Variants in ZCWPW1 observed in about 807,000 individuals in gnomAD.
ZCWPW1 encodes zinc finger CW-type PWWP domain protein 1.
A neutral mutation model predicts 81.3 loss-of-function variants in ZCWPW1; 56 were observed. The ratio of observed to expected loss-of-function variants is 0.69; its 90% CI spans 0.56 to 0.86. The LOEUF is 0.86. ZCWPW1 is among the 40% of genes least tolerant of loss of function. ZCWPW1 has a pLI of 0.00. For missense variants in ZCWPW1, 650 were observed against 769.8 expected (o/e 0.84, Z 1.84); for synonymous variants, 250 against 273.7 (o/e 0.91, Z 0.86).
At chr7:100,409,280 T>G in intron 9 of ZCWPW1, 148 bp downstream of exon 9, 1 of 629,460 alleles carries the variant, frequency 1.6e-6, no homozygotes. Context: ...CATCTCCATA[T>G]GAGAGGCAGA....
At position 100,419,804 on chromosome 7, in the gene ZCWPW1, G is replaced by T; in HGVS notation, c.108C>A (p.Ser36=). The T allele has an allele frequency of 6.2e-7, 1 of 1,613,548 alleles. No homozygotes were observed. Among genetic ancestry groups the T allele is most frequent in the Non-Finnish European group, 8.5e-7 (1 of 1,179,868 alleles). ...SYSLLPCSPN[S]PKEETPGISS... ...TGATCCCCGGGGTCTCCTCCTTAGG[G>T]GAGTTAGGGCTACAAGGTAACAGGC... The change falls in exon 4 of 18, where the codon TCC becomes TCA. Residue 36 remains serine, a synonymous_variant. Transcript: ENST00000684423.
chr7:100,407,191 G>T, intron 11 of ZCWPW1, 37 bp downstream of exon 11: 1 of 1,591,608 alleles, frequency 6.3e-7, no homozygotes, highest in Non-Finnish European at 8.6e-7. Flanking sequence ...CATTACTTTG[G>T]CCTGAGCTCC....
chr7:100,411,533 T>A (rs1397475708), intron 8 of ZCWPW1, among the ~76,000 whole-genome samples: 1 of 152,200 alleles, frequency 6.6e-6, no homozygotes, highest in Non-Finnish European at 1.5e-5. Flanking sequence ...CCTGCCAAAG[T>A]GCTGGGATTA....
At position 100,420,690 on chromosome 7, in the gene ZCWPW1, A is replaced by G. The variant is rs977448063; in HGVS notation, c.-29-12T>C. The G allele has an allele frequency of 3.7e-6, 6 of 1,612,188 alleles. No homozygotes were observed. Among genetic ancestry groups the G allele is most frequent in the Non-Finnish European group, 5.1e-6 (6 of 1,179,172 alleles). ...CGCTTTGTGTGCCTCTGTTAGAAAAAAGAAATTAACTGCTATGACTCTGAT... is the reference window on the plus strand; with the variant it reads ...CGCTTTGTGTGCCTCTGTTAGAAAAGAGAAATTAACTGCTATGACTCTGAT... On this transcript the variant is annotated splice_polypyrimidine_tract_variant and intron_variant, in intron 2 of 17. Coordinates refer to ENST00000684423, the MANE Select transcript of ZCWPW1 (RefSeq NM_001386010.1).
intron 2 of ZCWPW1, among the ~76,000 whole-genome samples, chr7:100,422,517 T>C (rs1796543099): frequency 6.6e-6 from 1 of 152,246 alleles, no homozygotes; most frequent in Non-Finnish European, 1.5e-5. Context: ...GTATTTTTAT[T>C]TTCCAATTTA....
chr7:100,402,161 G>A, intron 16 of ZCWPW1, 120 bp from the exon 17 acceptor site: 5 of 1,316,332 alleles, frequency 3.8e-6, no homozygotes, highest in Admixed American at 2.3e-5. Context: ...AATCTAGTGA[G>A]TTTTCCTGGT....
At chr7:100,416,982 G>C (rs1297718280) in intron 6 of ZCWPW1, 84 bp downstream of exon 6, 5 of 962,534 alleles carry the variant, frequency 5.2e-6, no homozygotes, top group Non-Finnish European at 8.0e-6. Context: ...TAAATGACCA[G>C]ATAGACAGAC....
At chr7:100,402,134 ATCT>A (rs2130326743) in intron 16 of ZCWPW1, 93 bp from the exon 17 acceptor site, 1 of 1,474,314 alleles carries the variant, frequency 6.8e-7, no homozygotes, top group South Asian at 1.3e-5. Context: ...CCTGCCCCAC[ATCT>A]TCTGCTCAGT....
chr7:100,405,110 G>A lies in ZCWPW1; in HGVS notation c.1174-17C>T. 1 of 1,609,406 alleles carries A rather than the reference G, an allele frequency of 6.2e-7. No individual in the cohort carries two copies. The highest frequency in any genetic ancestry group is 8.5e-7 in the Non-Finnish European group (1 of 1,178,080). On this transcript the variant is annotated splice_polypyrimidine_tract_variant and intron_variant, in intron 12 of 17. Transcript: ENST00000684423. ...GCGCTTTTTCTGAAATAGAAGATTA[G>A]AGCCAATGATAAATATTGACTTAAA...
intron 8 of ZCWPW1, among the ~76,000 whole-genome samples, chr7:100,411,562 C>G (rs968703891): frequency 3.3e-5 from 5 of 152,118 alleles, no homozygotes; most frequent in African/African-American, 1.2e-4. Flanking sequence ...AGCCACCATG[C>G]CCAGCCTCAA....
At chr7:100,407,391 A>G in intron 10 of ZCWPW1, 88 bp from the exon 11 acceptor site, 1 of 1,218,218 alleles carries the variant, frequency 8.2e-7, no homozygotes, top group Non-Finnish European at 1.2e-6. Context: ...CACAGAGAAG[A>G]GCAGTATGAT....
intron 1 of ZCWPW1, among the ~76,000 whole-genome samples, chr7:100,427,381 G>A (rs961552379): frequency 5.3e-5 from 8 of 150,990 alleles, no homozygotes; most frequent in South Asian, 2.1e-4. Context: ...TGGCCAATAC[G>A]GTGAAACCCC....
intron 12 of ZCWPW1, among the ~76,000 whole-genome samples, chr7:100,406,319 ACATCC>A (rs1367882086): frequency 2.0e-5 from 3 of 152,128 alleles, no homozygotes; most frequent in African/African-American, 7.2e-5. Flanking sequence ...ATGTTGCTAA[ACATCC>A]CACGATGCAC....
Position 100,419,191 on chromosome 7 carries a change from T to C in ZCWPW1, c.283-2A>G. On this transcript the variant is annotated splice_acceptor_variant, in intron 4 of 17. Coordinates refer to ENST00000684423, the MANE Select transcript of ZCWPW1 (RefSeq NM_001386010.1). LOFTEE classifies it high-confidence loss of function. ...TGCATTGGTAAGACTTGATTTTTCC[T>C]GCAGAGACAAGGGTAGGGGAGGAAA... The C allele has an allele frequency of 6.2e-7, 1 of 1,612,850 alleles. No homozygotes were observed. Among genetic ancestry groups the C allele is most frequent in the Non-Finnish European group, 8.5e-7 (1 of 1,179,486 alleles).
At chr7:100,423,462 A>T (rs1307573302) in intron 2 of ZCWPW1, among the ~76,000 whole-genome samples, 1 of 152,176 alleles carries the variant, frequency 6.6e-6, no homozygotes, top group East Asian at 1.9e-4. Context: ...TCCTCTCTCT[A>T]GACCATAAGA....
At chr7:100,417,907 C>T (rs1210122933) in intron 5 of ZCWPW1, among the ~76,000 whole-genome samples, 2 of 151,422 alleles carry the variant, frequency 1.3e-5, no homozygotes, top group Non-Finnish European at 2.9e-5. Context: ...TTTTTTGAGA[C>T]AGAGTCTTGC....
chr7:100,412,396 T>C (rs1225386736), intron 8 of ZCWPW1, among the ~76,000 whole-genome samples: 1 of 152,198 alleles, frequency 6.6e-6, no homozygotes, highest in East Asian at 1.9e-4. Context: ...TCCTCCGCTC[T>C]TTCCCATCTC....
At chr7:100,423,454 C>T (rs1796706138) in intron 2 of ZCWPW1, among the ~76,000 whole-genome samples, 1 of 152,092 alleles carries the variant, frequency 6.6e-6, no homozygotes, top group Admixed American at 6.6e-5. Flanking sequence ...TGTAGGGTTC[C>T]TCTCTCTAGA....
chr7:100,408,724 A>G (rs2130544794), intron 9 of ZCWPW1, 65 bp from the exon 10 acceptor site: 1 of 1,563,178 alleles, frequency 6.4e-7, no homozygotes, highest in Non-Finnish European at 8.6e-7. Flanking sequence ...GCTGGATGAG[A>G]GCTGGGGAGA....
Sources: gnomAD v4.1 joint callset for allele counts (sites outside exome capture counted in the v4.1 genomes callset) on GRCh38, gnomAD v4.1.1 for gene constraint, MANE v1.5 for transcripts, NCBI Gene and HGNC (gene_info 2026-07-23, HGNC 2026-07-21) for gene names.